PRKCH: variants seen among roughly 807,000 people sequenced by gnomAD.
PRKCH encodes the protein protein kinase C eta type.
A neutral mutation model predicts 82.5 loss-of-function variants in PRKCH; 28 were observed. That is an observed-to-expected ratio of 0.34 (90% CI 0.25 to 0.47). PRKCH has a LOEUF of 0.47. Ranked by LOEUF, PRKCH falls within the 20% of genes least tolerant of loss-of-function variation. PRKCH has a pLI of 1.00. For synonymous variants in PRKCH, 322 were observed against 327.4 expected, an observed-to-expected ratio of 0.98 and a Z score of 0.18; for missense variants, 705 against 881.8, an observed-to-expected ratio of 0.80 and a Z score of 2.54.
chr14:61,526,813 A>G (rs1280389754), intron 10 of PRKCH, among the ~76,000 whole-genome samples: 1 of 152,270 alleles, frequency 6.6e-6, no homozygotes, highest in Non-Finnish European at 1.5e-5. Flanking sequence ...GCCCAAGGCC[A>G]TGGCAGCCTC....
chr14:61,414,479 G>A (rs562410299), intron 2 of PRKCH, among the ~76,000 whole-genome samples: 41 of 151,888 alleles, frequency 2.7e-4, no homozygotes, highest in Non-Finnish European at 4.7e-4. Flanking sequence ...CACCAGATTG[G>A]TCAGGCTGGT....
chr14:61,512,958 A>G (rs1369236896), intron 10 of PRKCH, among the ~76,000 whole-genome samples: 1 of 152,126 alleles, frequency 6.6e-6, no homozygotes, highest in Non-Finnish European at 1.5e-5. Flanking sequence ...CTGGGACTAC[A>G]GGTACACACC....
At chr14:61,449,373 C>T (rs936297527) in intron 5 of PRKCH, 121 bp downstream of exon 5, 36 of 771,330 alleles carry the variant, frequency 4.7e-5, no homozygotes, top group Non-Finnish European at 6.7e-5. Flanking sequence ...GTCCCCAAAC[C>T]TCTGCTTTCC....
chr14:61,276,001 A>G (rs959306687), intron 1 of PRKCH, among the ~76,000 whole-genome samples: 2 of 152,224 alleles, frequency 1.3e-5, no homozygotes, highest in Non-Finnish European at 2.9e-5. Flanking sequence ...CAGTGTATTC[A>G]GTGTATTGTT....
In PRKCH at chr14:61,531,875, A is replaced by G. The variant is rs543390424; in HGVS notation, c.1761+1280A>G. Among the ~76,000 whole-genome samples the G allele has an allele frequency of 2.6e-5, 4 of 151,796 alleles. No homozygotes were observed. The East Asian group carries it at 5.8e-4, about 22-fold the overall frequency. On this transcript the variant is annotated intron_variant, in intron 12 of 13. Coordinates refer to ENST00000332981, the MANE Select transcript of PRKCH (RefSeq NM_006255.5). Reference sequence around the variant, plus strand: ...AAATATGGCTTTTATAATTTTATGGAAAAAAAAAGTCACAGAGAAGGGCCT... The same window carrying G: ...AAATATGGCTTTTATAATTTTATGGGAAAAAAAAGTCACAGAGAAGGGCCT...
chr14:61,296,944 A>C (rs2045411274), intron 1 of PRKCH, among the ~76,000 whole-genome samples: 1 of 152,236 alleles, frequency 6.6e-6, no homozygotes, highest in Admixed American at 6.5e-5. Flanking sequence ...TTTGTAACTC[A>C]CATGATTGTA....
intron 1 of PRKCH, among the ~76,000 whole-genome samples, chr14:61,366,658 A>T (rs4899039): frequency 0.37 from 55,863 of 151,908 alleles, 13,558 homozygotes; most frequent in African/African-American, 0.69. Context: ...GCTTTGGGAA[A>T]ATGAGTGGTA....
intron 10 of PRKCH, among the ~76,000 whole-genome samples, chr14:61,503,324 G>A (rs1887002685): frequency 6.7e-6 from 1 of 149,740 alleles, no homozygotes; most frequent in African/African-American, 2.5e-5. Context: ...TAAGAATCTG[G>A]TTGAGTAATT....
At chr14:61,327,369 T>G (rs2045712105) in intron 1 of PRKCH, among the ~76,000 whole-genome samples, 1 of 152,242 alleles carries the variant, frequency 6.6e-6, no homozygotes, top group South Asian at 2.1e-4. Context: ...TTCTCATGAT[T>G]GATTTTTTTC....
In PRKCH at chr14:61,396,744, T is replaced by C. The variant is rs536105221; in HGVS notation, c.427+5456T>C. Reference sequence around the variant, plus strand: ...AGTTTGTACAAGAAACGAAAAGGAGTGTGGAGGTGCTAAAGGTAGGGGGTG... The same window carrying C: ...AGTTTGTACAAGAAACGAAAAGGAGCGTGGAGGTGCTAAAGGTAGGGGGTG... On this transcript the variant is annotated intron_variant, in intron 2 of 13. Coordinates refer to ENST00000332981, the MANE Select transcript of PRKCH (RefSeq NM_006255.5). Among the ~76,000 whole-genome samples, 21 of 149,776 alleles carry C rather than the reference T, an allele frequency of 1.4e-4. No individual in the cohort carries two copies. The South Asian group carries it at 4.5e-3, about 32-fold the overall frequency.
chr14:61,542,556 C>A (rs1250400828), intron 12 of PRKCH, among the ~76,000 whole-genome samples: 2 of 152,042 alleles, frequency 1.3e-5, no homozygotes, highest in African/African-American at 2.4e-5. Context: ...TTCCAAAGAC[C>A]ATTCCTCCCA....
In PRKCH at chr14:61,492,576, A is replaced by G. The variant is rs1886494133; in HGVS notation, c.1433+6920A>G. 2.6e-5 allele frequency among the ~76,000 whole-genome samples: 4 copies of G among 152,222 alleles called. No homozygotes were observed. The South Asian group carries it at 8.3e-4, about 32-fold the overall frequency. The stretch of plus-strand genomic sequence containing the variant: ...TCTTCAACTTACAGCTGGCATGAAG[A>G]GCAAACCAAGACATTTTGAGGCATT... On this transcript the variant is annotated intron_variant, in intron 10 of 13. Coordinates refer to ENST00000332981, the MANE Select transcript of PRKCH (RefSeq NM_006255.5).
At position 61,481,814 on chromosome 14, in the gene PRKCH, TA is replaced by T. The variant is rs533746659; in HGVS notation, c.1279-3685del. On this transcript the variant is annotated intron_variant, in intron 9 of 13. Coordinates refer to ENST00000332981, the MANE Select transcript of PRKCH (RefSeq NM_006255.5). ...CACATTCACGTTTGTGATCTTTTTT[TA>T]AATTGAAAATACCTACATGAGAGCA... 1.4e-4 allele frequency among the ~76,000 whole-genome samples: 21 copies of T among 152,296 alleles called. 1 individual carries two copies. The highest frequency in any genetic ancestry group is 7.8e-4 in the Admixed American group (12 of 15,300).
chr14:61,310,718 C>G (rs538631513), intron 1 of PRKCH, among the ~76,000 whole-genome samples: 1 of 152,356 alleles, frequency 6.6e-6, no homozygotes, highest in South Asian at 2.1e-4. Flanking sequence ...AATGGGGACT[C>G]TGTGTGGGGG....
At chr14:61,332,669 A>C (rs530792909) in intron 1 of PRKCH, among the ~76,000 whole-genome samples, 1 of 152,368 alleles carries the variant, frequency 6.6e-6, no homozygotes, top group Admixed American at 6.5e-5. Flanking sequence ...CATATAGGCC[A>C]GAGTGAGCAT....
intron 1 of PRKCH, among the ~76,000 whole-genome samples, chr14:61,241,232 G>T (rs1016759237): frequency 6.6e-6 from 1 of 152,216 alleles, no homozygotes; most frequent in Non-Finnish European, 1.5e-5. Context: ...ATGTGAGGAA[G>T]GGGCACAGAA....
chr14:61,380,493 C>G (rs116493257), intron 1 of PRKCH, among the ~76,000 whole-genome samples: 1,859 of 152,226 alleles, frequency 0.012, 26 homozygotes, highest in African/African-American at 0.039. Context: ...TTCAGGAGAA[C>G]TCACCCCACT....
rs375542490 is a variant in PRKCH at position 61,484,764 on chromosome 14, C to CTTTTTTTTT, written c.1279-727_1279-719dup. Among the ~76,000 whole-genome samples the CTTTTTTTTT allele has an allele frequency of 6.5e-4, 79 of 121,200 alleles. 1 individual carries two copies. The highest frequency in any genetic ancestry group is 2.3e-3 in the African/African-American group (71 of 30,874). 79.5% of individuals were successfully genotyped at this position (121,200 alleles called of 152,430 possible). On this transcript the variant is annotated intron_variant, in intron 9 of 13. Transcript: ENST00000332981. ...TACTGTGAGGCTGTCATTTGGCTTC[C>CTTTTTTTTT]TTTTTTTTTTTTTTTTTTTGGAAGA...
chr14:61,333,579 T>C (rs1998672), intron 1 of PRKCH, among the ~76,000 whole-genome samples: 81,607 of 151,930 alleles, frequency 0.54, 25,735 homozygotes, highest in Non-Finnish European at 0.69. Context: ...TTCTCACTTA[T>C]GGCTTCTGGT....
Sources: gnomAD v4.1 joint callset for allele counts (sites outside exome capture counted in the v4.1 genomes callset) on GRCh38, gnomAD v4.1.1 for gene constraint, MANE v1.5 for transcripts, NCBI Gene and HGNC (gene_info 2026-07-23, HGNC 2026-07-21) for gene names.